The following UNC13C variants were observed in gnomAD, a reference collection of about 807,000 sequenced individuals.
UNC13C encodes the protein protein unc-13 homolog C.
A neutral mutation model predicts 245.4 loss-of-function variants in UNC13C; 174 were observed. The ratio of observed to expected loss-of-function variants is 0.71; its 90% CI spans 0.63 to 0.80. UNC13C has a LOEUF of 0.80. Among genes scored for constraint, UNC13C ranks in the 30% least tolerant of loss-of-function variants. The pLI, the probability that UNC13C is intolerant of heterozygous loss-of-function variation, is 0.00. For synonymous variants in UNC13C, 992 were observed against 895.1 expected, an observed-to-expected ratio of 1.11 and a Z score of -1.93; for missense variants, 2,829 against 2,602.9, an observed-to-expected ratio of 1.09 and a Z score of -1.89.
At chr15:54,161,947 A>T (rs1216142683) in intron 4 of UNC13C, among the ~76,000 whole-genome samples, 1 of 77,188 alleles carries the variant, frequency 1.3e-5, no homozygotes, top group Non-Finnish European at 2.6e-5. Flanking sequence ...GACTCCATTT[A>T]AAAAAAAATG....
At chr15:53,848,046 T>C in the UNC13C span, among the ~76,000 whole-genome samples, 3 of 152,064 alleles carry the variant, frequency 2.0e-5, no homozygotes, top group African/African-American at 7.2e-5. Flanking sequence ...CTGTAGGATG[T>C]CTAGTGATGT....
At chr15:53,839,010 A>C in the UNC13C span, among the ~76,000 whole-genome samples, 1 of 152,114 alleles carries the variant, frequency 6.6e-6, no homozygotes, top group Non-Finnish European at 1.5e-5. Context: ...AAAATATTAT[A>C]TTACTTTCTA....
chr15:54,452,491 C>T (rs556332125), intron 19 of UNC13C, among the ~76,000 whole-genome samples: 41 of 152,268 alleles, frequency 2.7e-4, no homozygotes, highest in Middle Eastern at 3.4e-3. Context: ...TGGATGGGCC[C>T]ATCTTCAGCT....
chr15:54,420,350 C>T lies in UNC13C; in HGVS notation c.4933+5283C>T, dbSNP rs1347348500. ...ATGGACCTCTCCACAAACTCCTTGA[C>T]CATCTCCAAGATACAGCTGCTAGCT... On this transcript the variant is annotated intron_variant, in intron 19 of 32. Transcript: ENST00000260323. Among the ~76,000 whole-genome samples, 40 of 151,992 alleles carry T rather than the reference C, an allele frequency of 2.6e-4. 1 individual carries two copies. Among genetic ancestry groups the T allele is most frequent in the Admixed American group, 2.6e-3 (39 of 15,246 alleles).
chr15:54,310,880 T>G (rs1219370140), intron 13 of UNC13C, among the ~76,000 whole-genome samples: 1 of 151,752 alleles, frequency 6.6e-6, no homozygotes, highest in Non-Finnish European at 1.5e-5. Context: ...ATATTTTTCC[T>G]TTTGTAAGAT....
chr15:54,510,194 G>C (rs932771725), intron 23 of UNC13C, among the ~76,000 whole-genome samples: 4 of 152,152 alleles, frequency 2.6e-5, no homozygotes, highest in African/African-American at 9.7e-5. Flanking sequence ...CACTTGTGTA[G>C]TCTTCCTGTT....
chr15:54,499,684 G>T (rs1298560598), intron 20 of UNC13C, among the ~76,000 whole-genome samples: 1 of 152,120 alleles, frequency 6.6e-6, no homozygotes, highest in East Asian at 1.9e-4. Flanking sequence ...TCTGAGGTAA[G>T]CACCCACGAT....
intron 1 of UNC13C, among the ~76,000 whole-genome samples, chr15:54,001,804 C>G (rs573931927): frequency 7.2e-5 from 11 of 152,306 alleles, no homozygotes; most frequent in African/African-American, 2.6e-4. Flanking sequence ...CAGCCATGAT[C>G]TAAAGTAGCC....
At chr15:54,024,689 C>T (rs1896032386) in intron 2 of UNC13C, among the ~76,000 whole-genome samples, 1 of 152,016 alleles carries the variant, frequency 6.6e-6, no homozygotes, top group African/African-American at 2.4e-5. Flanking sequence ...GAGGCCGAGG[C>T]GGGCGGATCA....
chr15:54,502,272 C>T (rs1319054323), intron 22 of UNC13C, among the ~76,000 whole-genome samples: 6 of 152,070 alleles, frequency 3.9e-5, no homozygotes, highest in African/African-American at 1.4e-4. Context: ...CTGCAAACAA[C>T]TATGACAAAG....
At chr15:54,584,412 G>A (rs930531923) in intron 30 of UNC13C, among the ~76,000 whole-genome samples, 6 of 152,128 alleles carry the variant, frequency 3.9e-5, no homozygotes, top group African/African-American at 9.7e-5. Flanking sequence ...TTCTTTAGCC[G>A]AAAAGGCAAG....
chr15:54,462,508 A>C (rs1668883937), intron 19 of UNC13C, among the ~76,000 whole-genome samples: 1 of 152,142 alleles, frequency 6.6e-6, no homozygotes, highest in African/African-American at 2.4e-5. Flanking sequence ...GGCCAGCGCC[A>C]GTTCTGGGTG....
At chr15:54,521,358 G>T (rs1423669650) in intron 24 of UNC13C, among the ~76,000 whole-genome samples, 1 of 152,084 alleles carries the variant, frequency 6.6e-6, no homozygotes, top group Non-Finnish European at 1.5e-5. Flanking sequence ...TGAAGGAAAT[G>T]AGATAGTAAT....
chr15:54,211,720 C>A (rs1440614340), intron 4 of UNC13C, among the ~76,000 whole-genome samples: 1 of 152,030 alleles, frequency 6.6e-6, no homozygotes, highest in East Asian at 1.9e-4. Context: ...AGGTGCAGTG[C>A]TAGTGGGATT....
chr15:54,024,231 A>G (rs761243783), intron 2 of UNC13C, among the ~76,000 whole-genome samples: 1 of 152,204 alleles, frequency 6.6e-6, no homozygotes, highest in Non-Finnish European at 1.5e-5. Flanking sequence ...TAAAGCATTT[A>G]GGACTCTAAC....
chr15:54,170,778 C>T (rs2033369639), intron 4 of UNC13C, among the ~76,000 whole-genome samples: 1 of 152,132 alleles, frequency 6.6e-6, no homozygotes, highest in Admixed American at 6.6e-5. Context: ...TATGTTTTGG[C>T]TGTAAAGACC....
chr15:54,241,767 G>A (rs2035857735), intron 7 of UNC13C, among the ~76,000 whole-genome samples: 1 of 152,178 alleles, frequency 6.6e-6, no homozygotes, highest in Non-Finnish European at 1.5e-5. Flanking sequence ...GCGCAGTAGG[G>A]CAGGAACTTG....
intron 18 of UNC13C, among the ~76,000 whole-genome samples, chr15:54,397,427 T>C (rs1447351819): frequency 1.3e-5 from 2 of 151,504 alleles, no homozygotes; most frequent in African/African-American, 4.8e-5. Flanking sequence ...TTGGTCACTA[T>C]CATTTTCTAA....
the UNC13C span, among the ~76,000 whole-genome samples, chr15:53,969,478 T>C: frequency 6.6e-5 from 10 of 151,382 alleles, no homozygotes; most frequent in Admixed American, 1.3e-4. Flanking sequence ...AGGGCAGGGG[T>C]TTGAGGCCAG....
Sources: gnomAD v4.1 joint callset for allele counts (sites outside exome capture counted in the v4.1 genomes callset) on GRCh38, gnomAD v4.1.1 for gene constraint, MANE v1.5 for transcripts, NCBI Gene and HGNC (gene_info 2026-07-23, HGNC 2026-07-21) for gene names.